Variants in TIAM2 observed in about 807,000 individuals in gnomAD.
TIAM2 encodes TIAM Rac1 associated GEF 2, also known as rho guanine nucleotide exchange factor TIAM2.
A neutral mutation model predicts 152.9 loss-of-function variants in TIAM2; 80 were observed. The ratio of observed to expected loss-of-function variants is 0.52; its 90% CI spans 0.44 to 0.63. The LOEUF (loss-of-function observed/expected upper bound fraction) is 0.63, where lower values mean the gene tolerates loss of function less well. TIAM2 is among the 30% of genes least tolerant of loss of function. TIAM2 has a pLI of 0.00. For synonymous variants in TIAM2, 804 were observed against 838.0 expected (o/e 0.96, Z 0.70); for missense variants, 1,965 against 2,120.1 (o/e 0.93, Z 1.44).
In TIAM2 at chr6:155,257,596, A is replaced by C. The variant is rs1784149325; in HGVS notation, c.*475A>C. 8.1e-6 allele frequency: 4 copies of C among 491,930 alleles called. No individual in the cohort carries two copies. The highest frequency in any genetic ancestry group is 8.0e-5 in the South Asian group (3 of 37,496). 30.5% of individuals were successfully genotyped at this position (491,930 alleles called of 1,614,324 possible). A position where few individuals can be genotyped will look rare whatever the true frequency, so the allele number is the denominator to read the frequency against. ...ATTTTTGTAAGATAGATTGTAATAG[A>C]TGCTGTTTATACTAAACATGTCATA... On this transcript the variant is annotated 3_prime_UTR_variant, in exon 27 of 27. Coordinates refer to ENST00000682666, the MANE Select transcript of TIAM2 (RefSeq NM_012454.4).
At chr6:155,235,663 C>T (rs56238103) in intron 15 of TIAM2, among the ~76,000 whole-genome samples, 31,614 of 152,140 alleles carry the variant, frequency 0.21, 3,608 homozygotes, top group African/African-American at 0.28. Context: ...CACCAACTCC[C>T]TTAGACAACA....
In TIAM2 at chr6:155,130,432, G is replaced by C. The variant is rs1262802634; in HGVS notation, c.1194+15G>C. On this transcript the variant is annotated intron_variant, in intron 4 of 26. Coordinates refer to ENST00000682666, the MANE Select transcript of TIAM2 (RefSeq NM_012454.4). ...GGAAACTCCAGGTGAGCATACCTTA[G>C]AGCAGAGGGAAGGGTCCCCACAGTT... is the stretch of plus-strand genomic sequence containing the variant. The C allele has an allele frequency of 7.5e-6, 12 of 1,603,708 alleles. No individual in the cohort carries two copies. Among genetic ancestry groups the C allele is most frequent in the Non-Finnish European group, 1.0e-5 (12 of 1,176,004 alleles).
chr6:155,213,749 C>T lies in TIAM2; in HGVS notation c.3168+2442C>T, dbSNP rs931186570. Among the ~76,000 whole-genome samples the T allele has an allele frequency of 6.6e-5, 10 of 152,232 alleles. No homozygotes were observed. The highest frequency in any genetic ancestry group is 1.2e-4 in the Non-Finnish European group (8 of 68,032). On this transcript the variant is annotated intron_variant, in intron 15 of 26. Transcript: ENST00000682666. The surrounding 1 kb of genome is among the most constrained non-coding windows in gnomAD (Gnocchi z 4.2). ...CTGCAGGCCAGGGCCGAGCTGCCCT[C>T]AGTCCCCTCCTTGGCCTGCCTCCCA...
At chr6:155,102,320 T>C (rs898679583) in intron 2 of TIAM2, among the ~76,000 whole-genome samples, 1 of 152,224 alleles carries the variant, frequency 6.6e-6, no homozygotes, top group Non-Finnish European at 1.5e-5. Context: ...TCAGTTTTTC[T>C]TATAATTATT....
intron 15 of TIAM2, among the ~76,000 whole-genome samples, chr6:155,225,889 C>G (rs578033162): frequency 4.6e-5 from 7 of 152,232 alleles, no homozygotes; most frequent in Admixed American, 2.0e-4. Context: ...AAACACTGAA[C>G]AAAAACCATA....
At chr6:155,047,686 GAGGAGAGAGAGAGAGAGAGCGAGAGA>G (rs1777213904) in intron 1 of TIAM2, among the ~76,000 whole-genome samples, 1 of 21,826 alleles carries the variant, frequency 4.6e-5, no homozygotes, top group South Asian at 1.7e-3. Flanking sequence ...GAGAGAGAGA[GAGGAGAGAGAGAGAGAGAGCGAGAGA>G]GAGAGAGAGA....
At position 155,194,486 on chromosome 6, in the gene TIAM2, A is replaced by G. The variant is rs547782666; in HGVS notation, c.3064+10986A>G. On this transcript the variant is annotated intron_variant, in intron 14 of 26. Transcript: ENST00000682666. ...GATGACCAAGGGTGGCCAGGCACCA[A>G]TGGGCTGAGAGGTGGGTGGCACAGC... is the stretch of plus-strand genomic sequence containing the variant. Among the ~76,000 whole-genome samples the G allele has an allele frequency of 7.9e-5, 12 of 152,286 alleles. No individual in the cohort carries two copies. In the East Asian group the frequency reaches 1.7e-3, roughly 22 times the overall value.
chr6:155,193,302 G>A (rs1240281034), intron 14 of TIAM2, among the ~76,000 whole-genome samples: 2 of 152,124 alleles, frequency 1.3e-5, no homozygotes, highest in Non-Finnish European at 2.9e-5. Flanking sequence ...TACTTAGGAG[G>A]CTGAGGTGGG....
chr6:155,048,633 G>A (rs908894714), intron 1 of TIAM2, among the ~76,000 whole-genome samples: 17 of 152,158 alleles, frequency 1.1e-4, no homozygotes, highest in Non-Finnish European at 2.2e-4. Context: ...TCGAGGATGA[G>A]GAAGGTGGAG....
intron 2 of TIAM2, among the ~76,000 whole-genome samples, chr6:155,102,001 T>G (rs1171639688): frequency 7.0e-6 from 1 of 143,308 alleles, no homozygotes; most frequent in African/African-American, 2.6e-5. Context: ...CGTGCCGGCC[T>G]TTTTTTTTTG....
intron 1 of TIAM2, among the ~76,000 whole-genome samples, chr6:155,043,281 G>A (rs7752427): frequency 0.062 from 9,358 of 152,144 alleles, 635 homozygotes; most frequent in African/African-American, 0.17. Flanking sequence ...CATGAGAATC[G>A]TCTGTGGAGT....
At chr6:154,998,900 C>CT (rs1778266257) in intron 1 of TIAM2, among the ~76,000 whole-genome samples, 3 of 152,094 alleles carry the variant, frequency 2.0e-5, no homozygotes, top group Admixed American at 1.3e-4. Context: ...CTTGGGAAAT[C>CT]TTGAAAGTAT....
chr6:155,056,992 A>G (rs796302988), intron 1 of TIAM2, among the ~76,000 whole-genome samples: 17 of 135,496 alleles, frequency 1.3e-4, no homozygotes, highest in African/African-American at 3.8e-4. Context: ...ATAGTTTGCT[A>G]GTAGAATGTT....
intron 19 of TIAM2, among the ~76,000 whole-genome samples, chr6:155,246,822 T>C (rs973131597): frequency 4.9e-4 from 75 of 152,256 alleles, no homozygotes; most frequent in African/African-American, 1.6e-3. Flanking sequence ...CAAAATGGTA[T>C]TGCATCTCCT....
rs769963187 is a variant in TIAM2, at chr6:155,254,044, T to C, written c.4297T>C (p.Phe1433Leu). 1 of 1,614,120 alleles carries C rather than the reference T, an allele frequency of 6.2e-7. No individual in the cohort carries two copies. The highest frequency in any genetic ancestry group is 8.5e-7 in the Non-Finnish European group (1 of 1,179,982). Reference protein sequence around the residue: ...SEIEGRPETIFQLCCSDSESK... With the variant: ...SEIEGRPETILQLCCSDSESK... Reference sequence around the variant, plus strand: ...AATAGAAGGACGGCCAGAAACCATCTTTCAGTTGTGTTGCAGGTATGACTG... The same window carrying C: ...AATAGAAGGACGGCCAGAAACCATCCTTCAGTTGTGTTGCAGGTATGACTG... Residue 1433 changes from phenylalanine (F) to leucine (L), a missense_variant, in exon 25 of 27, where the codon TTT becomes CTT. Transcript: ENST00000682666.
intron 21 of TIAM2, 58 bp from the exon 22 acceptor site, chr6:155,250,853 CAA>C (rs1783612395): frequency 6.5e-6 from 10 of 1,529,190 alleles, no homozygotes; most frequent in South Asian, 1.1e-5. Context: ...CACTATCTAA[CAA>C]GAGATCATCT....
intron 14 of TIAM2, among the ~76,000 whole-genome samples, chr6:155,200,538 G>T (rs1334156223): frequency 3.9e-5 from 6 of 152,002 alleles, no homozygotes; most frequent in Non-Finnish European, 8.8e-5. Flanking sequence ...TCACAAAATT[G>T]TGCAACCATC....
chr6:155,207,223 C>T (rs1175402047), intron 14 of TIAM2, among the ~76,000 whole-genome samples: 1 of 152,208 alleles, frequency 6.6e-6, no homozygotes, highest in African/African-American at 2.4e-5. Flanking sequence ...ATTTTACCAG[C>T]CTCCACTCTT....
intron 1 of TIAM2, among the ~76,000 whole-genome samples, chr6:155,033,275 T>A (rs187194480): frequency 2.0e-5 from 3 of 152,320 alleles, no homozygotes; most frequent in Admixed American, 1.3e-4. Flanking sequence ...GCTACTTCCG[T>A]GATCTCTCAG....
Sources: gnomAD v4.1 joint callset for allele counts (sites outside exome capture counted in the v4.1 genomes callset) on GRCh38, gnomAD v4.1.1 for gene constraint, Gnocchi (gnomAD v3.1) non-coding constraint, MANE v1.5 for transcripts, NCBI Gene and HGNC (gene_info 2026-07-23, HGNC 2026-07-21) for gene names.